PPP1R1C: variants seen among roughly 807,000 people sequenced by gnomAD.
PPP1R1C encodes the protein protein phosphatase 1 regulatory subunit 1C.
A neutral mutation model predicts 17.4 loss-of-function variants in PPP1R1C; 15 were observed. The ratio of observed to expected loss-of-function variants is 0.86; its 90% confidence interval spans 0.58 to 1.33. The LOEUF (loss-of-function observed/expected upper bound fraction) is 1.33. Ranked by LOEUF, PPP1R1C falls within the 40% of genes most tolerant of loss-of-function variation. PPP1R1C has a pLI of 0.00. For synonymous variants in PPP1R1C, 35 were observed against 43.1 expected (o/e 0.81, Z 0.73); for missense variants, 143 against 130.0 (o/e 1.10, Z -0.48).
At chr2:182,120,189 C>A (rs1261149398), downstream of PPP1R1C, among the ~76,000 whole-genome samples, 1 of 152,082 alleles carries the variant, frequency 6.6e-6, no homozygotes, top group East Asian at 1.9e-4. Flanking sequence ...CTTGTTTTTG[C>A]CAGGTTTGTC....
At position 181,961,451 on chromosome 2, in the gene PPP1R1C, G is replaced by C; in HGVS notation, n.111+6817G>C. The stretch of plus-strand genomic sequence containing the variant: ...CTCTGTGCCATCTCTGACTCCAGGT[G>C]CAGCAGGATCCTGTTGAGCTGCTCC... On this transcript the variant is annotated intron_variant and non_coding_transcript_variant, in intron 1 of 5. Transcript: ENST00000464264. This position sits in a 1 kb window ranked among gnomAD's most constrained non-coding sequence, Gnocchi z 5.8. 1.1e-6 allele frequency: 1 copy of C among 895,878 alleles called. No individual in the cohort carries two copies. The allele number at this position is 895,878 out of a possible 1,614,324, so 55.5% of individuals were successfully genotyped here.
At chr2:182,010,329 A>C (rs1686053684) in intron 2 of PPP1R1C, among the ~76,000 whole-genome samples, 1 of 151,888 alleles carries the variant, frequency 6.6e-6, no homozygotes, top group Non-Finnish European at 1.5e-5. Context: ...CATTGTAGAA[A>C]TCTTTTACTT....
At position 182,070,992 on chromosome 2, in the gene PPP1R1C, C is replaced by A. The variant is rs577842205; in HGVS notation, c.241+7201C>A. Among the ~76,000 whole-genome samples, 16 of 152,266 alleles carry A rather than the reference C, an allele frequency of 1.1e-4. No individual in the cohort carries two copies. The East Asian group carries it at 3.1e-3, about 29-fold the overall frequency. On this transcript the variant is annotated intron_variant, in intron 4 of 4. Transcript: ENST00000682840. ...ACTGAGTGGGTGGTGCTAACCCATT[C>A]ATGAAGGATCCACCCCTATGATCCA... is the stretch of plus-strand genomic sequence containing the variant.
rs55860045 is a variant in PPP1R1C at position 181,990,315 on chromosome 2, AT to A, written c.142+2426del. On this transcript the variant is annotated intron_variant, in intron 2 of 4. Transcript: ENST00000682840. ...CACCACGCCCGGCTAATTTTTTTGT[AT>A]TTTTTTTTTAGTAGAGACGGGGTTT... is the stretch of plus-strand genomic sequence containing the variant. Among the ~76,000 whole-genome samples, 1,050 of 147,378 alleles carry A rather than the reference AT, an allele frequency of 7.1e-3. 14 individuals are homozygous for A. Among genetic ancestry groups the A allele is most frequent in the African/African-American group, 0.024 (972 of 40,256 alleles).
intron 2 of PPP1R1C, among the ~76,000 whole-genome samples, chr2:182,027,647 A>C (rs1461209101): frequency 4.2e-5 from 6 of 143,854 alleles, no homozygotes; most frequent in Admixed American, 2.1e-4. Context: ...ATCAATGTTC[A>C]TCAAGGATAT....
intron 2 of PPP1R1C, among the ~76,000 whole-genome samples, chr2:181,996,791 C>T (rs977565073): frequency 6.6e-6 from 1 of 152,066 alleles, no homozygotes; most frequent in African/African-American, 2.4e-5. Flanking sequence ...TACATATTGA[C>T]TTGCTTGTGA....
intron 2 of PPP1R1C, among the ~76,000 whole-genome samples, chr2:182,059,101 T>C (rs1687772185): frequency 6.6e-6 from 1 of 152,120 alleles, no homozygotes. Context: ...TAATCAATAC[T>C]CAAAACAGAA....
At chr2:181,998,966 A>G (rs1208680544) in intron 2 of PPP1R1C, among the ~76,000 whole-genome samples, 1 of 152,196 alleles carries the variant, frequency 6.6e-6, no homozygotes, top group Non-Finnish European at 1.5e-5. Flanking sequence ...AATTTCTACC[A>G]CAGGTCATTT....
intron 2 of PPP1R1C, among the ~76,000 whole-genome samples, chr2:181,989,654 C>T (rs1049160210): frequency 6.6e-6 from 1 of 152,118 alleles, no homozygotes; most frequent in African/African-American, 2.4e-5. Flanking sequence ...TCTCTAGAAA[C>T]CTTTTTTTTT....
chr2:182,059,596 T>C (rs751421451), intron 2 of PPP1R1C, among the ~76,000 whole-genome samples: 2 of 152,094 alleles, frequency 1.3e-5, no homozygotes, highest in African/African-American at 2.4e-5. Flanking sequence ...TCTGAGTCAA[T>C]TTGACCTGAA....
At chr2:181,999,741 C>T (rs1383092275) in intron 2 of PPP1R1C, among the ~76,000 whole-genome samples, 1 of 150,712 alleles carries the variant, frequency 6.6e-6, no homozygotes, top group Non-Finnish European at 1.5e-5. Flanking sequence ...ACTGCTTTAG[C>T]ATTGCTTATA....
At position 182,086,487 on chromosome 2, in the gene PPP1R1C, C is replaced by T. The variant is rs376548216; in HGVS notation, c.241+22696C>T. On this transcript the variant is annotated intron_variant, in intron 4 of 4. Coordinates refer to ENST00000682840, the MANE Select transcript of PPP1R1C (RefSeq NM_001080545.3). ...CAAGAAACAGAAAAACAAGTGACCT[C>T]TTGTTATAGGATTCTGCATTTATGA... Among the ~76,000 whole-genome samples, 84 of 152,152 alleles carry T rather than the reference C, an allele frequency of 5.5e-4. 3 individuals carry two copies. The highest frequency in any genetic ancestry group is 1.9e-3 in the African/African-American group (81 of 41,544).
chr2:182,009,319 C>T (rs1398157393), intron 2 of PPP1R1C, among the ~76,000 whole-genome samples: 1 of 152,072 alleles, frequency 6.6e-6, no homozygotes, highest in Non-Finnish European at 1.5e-5. Flanking sequence ...GGATAAAAGC[C>T]ACTTTAACTG....
chr2:182,091,538 A>G (rs1486489064), intron 4 of PPP1R1C, among the ~76,000 whole-genome samples: 1 of 152,030 alleles, frequency 6.6e-6, no homozygotes, highest in Non-Finnish European at 1.5e-5. Context: ...GGGTTAAAGG[A>G]TTTTTTTATT....
chr2:181,955,914 C>A (rs964528774), intron 1 of PPP1R1C, among the ~76,000 whole-genome samples: 1 of 151,938 alleles, frequency 6.6e-6, no homozygotes, highest in African/African-American at 2.4e-5. Context: ...GTTACAGTTT[C>A]TTTTTTATTA....
intron 2 of PPP1R1C, among the ~76,000 whole-genome samples, chr2:182,009,183 T>C (rs1686015905): frequency 6.6e-6 from 1 of 152,136 alleles, no homozygotes; most frequent in Admixed American, 6.5e-5. Flanking sequence ...GTTCTATTTT[T>C]AGTTTTTTTC....
Position 182,011,414 on chromosome 2 carries a change from T to C in PPP1R1C, c.142+23515T>C, listed in dbSNP as rs182687111. On this transcript the variant is annotated intron_variant, in intron 2 of 4. Coordinates refer to ENST00000682840, the MANE Select transcript of PPP1R1C (RefSeq NM_001080545.3). ...AAATTTATTGACATATAGCCATTCA[T>C]AGTAGTCTCTAATGATCCTTTGAAT... 1.8e-3 allele frequency among the ~76,000 whole-genome samples: 272 copies of C among 152,230 alleles called. 2 individuals carry two copies. Among genetic ancestry groups the C allele is most frequent in the African/African-American group, 6.3e-3 (260 of 41,578 alleles).
At chr2:182,059,385 G>A (rs1307789724) in intron 2 of PPP1R1C, among the ~76,000 whole-genome samples, 1 of 151,784 alleles carries the variant, frequency 6.6e-6, no homozygotes, top group African/African-American at 2.4e-5. Context: ...TTTGATGAGA[G>A]AGCTAAACAA....
At chr2:182,111,598 G>T (rs1475280858) in intron 4 of PPP1R1C, among the ~76,000 whole-genome samples, 2 of 151,972 alleles carry the variant, frequency 1.3e-5, no homozygotes, top group Non-Finnish European at 2.9e-5. Flanking sequence ...CAAGAGGATT[G>T]AACAATTACA....
Sources: allele counts gnomAD v4.1 joint callset (sites outside exome capture counted in the v4.1 genomes callset), GRCh38; gene constraint gnomAD v4.1.1; non-coding constraint Gnocchi (gnomAD v3.1); transcripts MANE v1.5; gene names NCBI Gene and HGNC (gene_info 2026-07-23, HGNC 2026-07-21).